The following LRGUK variants were observed in gnomAD, a reference collection of about 807,000 sequenced individuals.
LRGUK encodes the protein leucine rich repeats and guanylate kinase domain containing, also known as leucine-rich repeat and guanylate kinase domain-containing protein.
In LRGUK, 65 loss-of-function variants were observed where a neutral mutation model predicts 76.0. That is an observed-to-expected ratio of 0.85 (90% CI 0.70 to 1.05). LRGUK has a LOEUF of 1.05. Ranked by LOEUF, LRGUK falls within the 50% of genes least tolerant of loss-of-function variation. The probability of loss-of-function intolerance (pLI) is 0.00; values close to 1 mark genes in which losing one functional copy is unlikely to be tolerated. For missense variants in LRGUK, 758 were observed against 732.8 expected, an observed-to-expected ratio of 1.03 and a Z score of -0.40; for synonymous variants, 268 against 265.6, an observed-to-expected ratio of 1.01 and a Z score of -0.09.
At chr7:134,142,869 C>T (rs572821084) in intron 3 of LRGUK, among the ~76,000 whole-genome samples, 193 bp from the exon 4 acceptor site, 7 of 152,232 alleles carry the variant, frequency 4.6e-5, no homozygotes, top group East Asian at 1.9e-4. Context: ...TTATTGACTC[C>T]GAGAGTTTTC....
chr7:134,178,442 C>A, intron 9 of LRGUK, 61 bp from the exon 10 acceptor site: 2 of 1,308,688 alleles, frequency 1.5e-6, no homozygotes, highest in Non-Finnish European at 2.1e-6. Flanking sequence ...AAAATCCAAG[C>A]TTTGTCTTCT....
chr7:134,172,363 T>C (rs1235649958), intron 7 of LRGUK, among the ~76,000 whole-genome samples: 1 of 152,186 alleles, frequency 6.6e-6, no homozygotes, highest in African/African-American at 2.4e-5. Context: ...ACATATTCTA[T>C]ATAAATTTTT....
In LRGUK at chr7:134,166,997, A is replaced by G. The variant is rs560730895; in HGVS notation, c.939+3457A>G. On this transcript the variant is annotated intron_variant, in intron 7 of 15. Coordinates refer to ENST00000645682, the Ensembl canonical transcript of LRGUK. ...TTTGTTAGATTAGGCCTGTAATGAG[A>G]AGGGTTGGACTGGGTGAGTCCTTGG... Among the ~76,000 whole-genome samples the G allele has an allele frequency of 3.3e-5, 5 of 152,164 alleles. No individual in the cohort carries two copies. In the East Asian group the frequency reaches 9.6e-4, roughly 29 times the overall value.
At position 134,143,059 on chromosome 7, in the gene LRGUK, T is replaced by C. The variant is rs779849819; in HGVS notation, c.488-3T>C. ...CTTATTCTGTATCTGTTTCCCTCCG[T>C]AGATTTATCTTGTGTGAGTTGTATG... On this transcript the variant is annotated splice_polypyrimidine_tract_variant and splice_region_variant and intron_variant, in intron 3 of 15. Coordinates refer to ENST00000645682, the Ensembl canonical transcript of LRGUK. 3.9e-6 allele frequency: 6 copies of C among 1,519,546 alleles called. No individual in the cohort carries two copies. In the Admixed American group the frequency reaches 8.4e-5, roughly 21 times the overall value. The allele number at this position is 1,519,546 out of a possible 1,614,324, so 94.1% of individuals were successfully genotyped here.
At chr7:134,208,059 G>A (rs947344696) in intron 15 of LRGUK, among the ~76,000 whole-genome samples, 1 of 152,196 alleles carries the variant, frequency 6.6e-6, no homozygotes, top group Non-Finnish European at 1.5e-5. Flanking sequence ...AGCCCAAGAG[G>A]AGGCCTGGGG....
chr7:134,183,723 C>A lies in LRGUK; in HGVS notation c.1215-11C>A. Reference sequence around the variant, plus strand: ...TGCAATAGGAGAACTGACTCTGGTCCTGTGTTGTAGCACTCTTCCCAGCCT... The same window carrying A: ...TGCAATAGGAGAACTGACTCTGGTCATGTGTTGTAGCACTCTTCCCAGCCT... On this transcript the variant is annotated splice_polypyrimidine_tract_variant and intron_variant, in intron 10 of 15. Transcript: ENST00000645682. 1 of 1,613,562 alleles carries A rather than the reference C, an allele frequency of 6.2e-7. No homozygotes were observed. Among genetic ancestry groups the A allele is most frequent in the Non-Finnish European group, 8.5e-7 (1 of 1,179,710 alleles).
intron 4 of LRGUK, among the ~76,000 whole-genome samples, chr7:134,146,271 TAA>T (rs908770001): frequency 2.1e-5 from 3 of 142,126 alleles, no homozygotes; most frequent in Non-Finnish European, 1.5e-5. Context: ...AGACTCCATC[TAA>T]AAAAAAAAAA....
chr7:134,257,759 G>A (rs193225232), intron 18 of LRGUK, among the ~76,000 whole-genome samples: 23 of 151,996 alleles, frequency 1.5e-4, no homozygotes, highest in African/African-American at 4.8e-4. Flanking sequence ...AGCCCAGATC[G>A]TGTCACTGCC....
At chr7:134,170,658 G>A (rs1799201640) in intron 7 of LRGUK, among the ~76,000 whole-genome samples, 2 of 152,158 alleles carry the variant, frequency 1.3e-5, no homozygotes, top group East Asian at 1.9e-4. Context: ...CCATAAATAT[G>A]TACAACTCTT....
At chr7:134,137,151 A>C in intron 2 of LRGUK, 21 bp downstream of exon 2, 8 of 1,547,522 alleles carry the variant, frequency 5.2e-6, no homozygotes, top group Non-Finnish European at 7.1e-6. Context: ...CAAAATCTCC[A>C]TTGGCTGGCT....
chr7:134,207,914 G>T (rs556968042), intron 15 of LRGUK, among the ~76,000 whole-genome samples: 1 of 152,216 alleles, frequency 6.6e-6, no homozygotes, highest in Admixed American at 6.5e-5. Flanking sequence ...CCTGCTGGAT[G>T]ATGGCGTCTG....
chr7:134,257,218 A>G (rs1802606402), intron 18 of LRGUK, among the ~76,000 whole-genome samples: 1 of 152,204 alleles, frequency 6.6e-6, no homozygotes. Context: ...ATTAAAAGGC[A>G]AGATTTATCC....
chr7:134,148,389 A>G, intron 5 of LRGUK, 70 bp downstream of exon 5: 1 of 873,532 alleles, frequency 1.1e-6, no homozygotes, highest in Non-Finnish European at 1.8e-6. Flanking sequence ...ATATTCAAGA[A>G]TTGTATTAGA....
intron 5 of LRGUK, among the ~76,000 whole-genome samples, chr7:134,152,703 G>A (rs1003191456): frequency 1.3e-5 from 2 of 152,030 alleles, no homozygotes; most frequent in Admixed American, 1.3e-4. Context: ...GAGCATCCAA[G>A]TTCACCATGA....
intron 1 of LRGUK, among the ~76,000 whole-genome samples, chr7:134,129,205 C>T (rs1797172138): frequency 7.7e-6 from 1 of 129,464 alleles, no homozygotes; most frequent in Non-Finnish European, 1.6e-5. Flanking sequence ...TCCCTCCCTT[C>T]CTTCCTGCCT....
intron 16 of LRGUK, among the ~76,000 whole-genome samples, chr7:134,229,894 G>A (rs1261818150): frequency 1.3e-5 from 2 of 152,004 alleles, no homozygotes; most frequent in Admixed American, 6.6e-5. Context: ...AAAAATTAAG[G>A]TAGATTATCT....
At chr7:134,132,392 G>A (rs562583786) in intron 1 of LRGUK, among the ~76,000 whole-genome samples, 7 of 152,176 alleles carry the variant, frequency 4.6e-5, no homozygotes, top group East Asian at 3.9e-4. Flanking sequence ...AATGGGTTAC[G>A]CTACAAATAG....
chr7:134,231,157 G>A (rs1801879571), intron 16 of LRGUK, among the ~76,000 whole-genome samples: 1 of 152,186 alleles, frequency 6.6e-6, no homozygotes, highest in Admixed American at 6.5e-5. Flanking sequence ...TCCATCTGAA[G>A]GATTTGAAGA....
intron 16 of LRGUK, among the ~76,000 whole-genome samples, chr7:134,238,763 C>G (rs1802069284): frequency 6.6e-6 from 1 of 152,042 alleles, no homozygotes; most frequent in Admixed American, 6.6e-5. Flanking sequence ...CTCACAATAA[C>G]TTTGGGATTC....
Sources: allele counts gnomAD v4.1 joint callset (sites outside exome capture counted in the v4.1 genomes callset), GRCh38; gene constraint gnomAD v4.1.1; transcripts MANE v1.5; gene names NCBI Gene and HGNC (gene_info 2026-07-23, HGNC 2026-07-21).